Variants in MAPK10 observed in about 807,000 individuals in gnomAD.
The protein encoded by MAPK10 is JNK3 alpha protein kinase.
In MAPK10, 25 loss-of-function variants were observed where a neutral mutation model predicts 59.3. That is an observed-to-expected ratio of 0.42 (90% confidence interval 0.31 to 0.59). The LOEUF (loss-of-function observed/expected upper bound fraction) is 0.59. Ranked by LOEUF, MAPK10 falls within the 20% of genes least tolerant of loss-of-function variation. The pLI is 0.15. For missense variants in MAPK10, 351 were observed against 568.9 expected (o/e 0.62, Z 3.90); for synonymous variants, 190 against 200.5 (o/e 0.95, Z 0.44).
chr4:86,321,095 G>C (rs1171105620), intron 2 of MAPK10, among the ~76,000 whole-genome samples: 1 of 152,022 alleles, frequency 6.6e-6, no homozygotes, highest in African/African-American at 2.4e-5. Flanking sequence ...ACAGGTGCTG[G>C]AGAGGATGTG....
chr4:86,345,375 TA>T (rs2148948813), intron 2 of MAPK10, among the ~76,000 whole-genome samples: 1 of 152,346 alleles, frequency 6.6e-6, no homozygotes, highest in African/African-American at 2.4e-5. Flanking sequence ...AATTCTCTCA[TA>T]TACAGTTGAA....
intron 1 of MAPK10, among the ~76,000 whole-genome samples, chr4:86,571,501 A>G (rs1377898905): frequency 6.6e-6 from 1 of 152,088 alleles, no homozygotes; most frequent in Admixed American, 6.6e-5. Flanking sequence ...AAATAACAAC[A>G]GTGAGAACTG....
At chr4:86,395,734 A>G (rs1322295636) in intron 1 of MAPK10, among the ~76,000 whole-genome samples, 1 of 152,172 alleles carries the variant, frequency 6.6e-6, no homozygotes, top group African/African-American at 2.4e-5. Flanking sequence ...GGCAGATTTC[A>G]TTACTGGTGA....
chr4:86,414,725 C>T (rs1345819865), intron 1 of MAPK10, among the ~76,000 whole-genome samples: 3 of 151,802 alleles, frequency 2.0e-5, no homozygotes, highest in Non-Finnish European at 4.4e-5. Flanking sequence ...TTAAATAGAC[C>T]CCAGATATCT....
chr4:86,194,253 T>G, intron 3 of MAPK10, 83 bp downstream of exon 3: 1 of 1,025,294 alleles, frequency 9.8e-7, no homozygotes, highest in Non-Finnish European at 1.5e-6. Flanking sequence ...CTGACTTTGG[T>G]GTGGAATGTA....
chr4:86,394,124 C>A (rs1005170146), intron 1 of MAPK10, among the ~76,000 whole-genome samples: 1 of 152,086 alleles, frequency 6.6e-6, no homozygotes, highest in African/African-American at 2.4e-5. Context: ...CACAAATTAG[C>A]CAGGCTTGGT....
intron 1 of MAPK10, among the ~76,000 whole-genome samples, chr4:86,366,225 T>C (rs1737871276): frequency 6.6e-6 from 1 of 152,082 alleles, no homozygotes; most frequent in Non-Finnish European, 1.5e-5. Flanking sequence ...CAGAGCTGTG[T>C]TTGTCTGTGA....
intron 1 of MAPK10, among the ~76,000 whole-genome samples, chr4:86,408,938 T>G (rs751736516): frequency 1.3e-5 from 2 of 152,144 alleles, no homozygotes; most frequent in Non-Finnish European, 2.9e-5. Context: ...GGCTTTTGTT[T>G]CCACTGCTTT....
chr4:86,500,507 TTC>T (rs528422579), intron 1 of MAPK10, among the ~76,000 whole-genome samples: 122 of 152,270 alleles, frequency 8.0e-4, no homozygotes, highest in African/African-American at 2.8e-3. Flanking sequence ...GAAACTCAGG[TTC>T]CCCATAAACT....
intron 2 of MAPK10, among the ~76,000 whole-genome samples, chr4:86,286,146 G>A (rs1236574246): frequency 6.6e-6 from 1 of 152,154 alleles, no homozygotes; most frequent in African/African-American, 2.4e-5. Flanking sequence ...AAACATCACA[G>A]TTACATGTAT....
At chr4:86,116,711 C>T (rs184334508) in intron 4 of MAPK10, among the ~76,000 whole-genome samples, 3 of 152,334 alleles carry the variant, frequency 2.0e-5, no homozygotes, top group Non-Finnish European at 2.9e-5. Context: ...GAATGTCAGC[C>T]CTGCTGCTTA....
chr4:86,196,736 A>C (rs1047858054), intron 2 of MAPK10, among the ~76,000 whole-genome samples: 4 of 152,178 alleles, frequency 2.6e-5, no homozygotes, highest in Admixed American at 6.5e-5. Flanking sequence ...TAATTTTTGT[A>C]GAAGGTGTAA....
At chr4:86,548,302 G>A (rs986326885) in intron 1 of MAPK10, among the ~76,000 whole-genome samples, 20 of 151,958 alleles carry the variant, frequency 1.3e-4, no homozygotes, top group Non-Finnish European at 2.5e-4. Flanking sequence ...CCCACCAGAA[G>A]GAAGAAACTC....
At chr4:86,437,045 T>G (rs1358774231) in intron 1 of MAPK10, among the ~76,000 whole-genome samples, 1 of 151,924 alleles carries the variant, frequency 6.6e-6, no homozygotes, top group Non-Finnish European at 1.5e-5. Context: ...ACCACATCTC[T>G]ACTAAAAATG....
At chr4:86,524,058 C>T (rs986565861) in intron 1 of MAPK10, among the ~76,000 whole-genome samples, 9 of 152,034 alleles carry the variant, frequency 5.9e-5, no homozygotes, top group East Asian at 1.9e-4. Flanking sequence ...AAGAGCCTGC[C>T]GCTTTTCCCA....
At chr4:86,025,808 A>G (rs897729896) in intron 13 of MAPK10, among the ~76,000 whole-genome samples, 1 of 152,192 alleles carries the variant, frequency 6.6e-6, no homozygotes, top group Middle Eastern at 3.2e-3. Flanking sequence ...CAACCAAAAA[A>G]CATTGTTATG....
At chr4:86,162,930 C>G (rs958869451) in intron 3 of MAPK10, among the ~76,000 whole-genome samples, 1 of 152,084 alleles carries the variant, frequency 6.6e-6, no homozygotes, top group African/African-American at 2.4e-5. Flanking sequence ...ATTGGCATAA[C>G]ATTCTGGAGA....
At chr4:86,168,224 G>A (rs1421529883) in intron 3 of MAPK10, among the ~76,000 whole-genome samples, 2 of 152,214 alleles carry the variant, frequency 1.3e-5, no homozygotes, top group African/African-American at 4.8e-5. Flanking sequence ...GACAGTGGGT[G>A]CAACGCACCG....
intron 1 of MAPK10, among the ~76,000 whole-genome samples, chr4:86,392,921 CT>C (rs998982233): frequency 2.6e-5 from 4 of 152,136 alleles, no homozygotes; most frequent in African/African-American, 9.7e-5. Flanking sequence ...GAAGTTTGCT[CT>C]ATGATAAGCT....
Sources: gnomAD v4.1 joint callset for allele counts (sites outside exome capture counted in the v4.1 genomes callset) on GRCh38, gnomAD v4.1.1 for gene constraint, MANE v1.5 for transcripts, NCBI Gene and HGNC (gene_info 2026-07-23, HGNC 2026-07-21) for gene names.